KHDRBS3: variants seen among roughly 807,000 people sequenced by gnomAD.
KHDRBS3 encodes KH RNA binding domain containing, signal transduction associated 3.
Under a neutral mutation model 45.6 loss-of-function variants are expected in KHDRBS3, and 23 were observed. That is an observed-to-expected ratio of 0.50 (90% CI 0.36 to 0.72). The LOEUF is 0.72. KHDRBS3 is among the 30% of genes least tolerant of loss of function. KHDRBS3 has a pLI of 0.00. For synonymous variants in KHDRBS3, 162 were observed against 156.5 expected (o/e 1.04, Z -0.26); for missense variants, 352 against 424.8 (o/e 0.83, Z 1.51).
intron 7 of KHDRBS3, among the ~76,000 whole-genome samples, chr8:135,607,823 C>T (rs1422186431): frequency 2.0e-5 from 3 of 152,224 alleles, no homozygotes; most frequent in Admixed American, 2.0e-4. Flanking sequence ...TTGAACTCGT[C>T]CAGTGCCAGT....
intron 1 of KHDRBS3, among the ~76,000 whole-genome samples, chr8:135,482,067 T>C (rs1178035256): frequency 1.3e-5 from 2 of 152,218 alleles, no homozygotes; most frequent in Non-Finnish European, 2.9e-5. Context: ...GCACTCAGCA[T>C]AATGATCTAA....
chr8:135,600,132 G>A (rs1460245407), intron 6 of KHDRBS3, among the ~76,000 whole-genome samples: 1 of 152,198 alleles, frequency 6.6e-6, no homozygotes, highest in Non-Finnish European at 1.5e-5. Context: ...AACTGTGAGA[G>A]GCTTAGGAAT....
At chr8:135,637,602 G>A (rs1041707308) in intron 7 of KHDRBS3, among the ~76,000 whole-genome samples, 3 of 151,746 alleles carry the variant, frequency 2.0e-5, no homozygotes, top group Admixed American at 6.6e-5. Context: ...CTACCCCTTC[G>A]CCCACCCCCA....
intron 5 of KHDRBS3, among the ~76,000 whole-genome samples, chr8:135,578,321 G>A (rs985152070): frequency 1.3e-5 from 2 of 151,764 alleles, no homozygotes; most frequent in African/African-American, 4.8e-5. Context: ...ATATAATACA[G>A]ATTTTCTTCT....
At chr8:135,626,803 CAAAAAAAAAA>C (rs57231709) in intron 7 of KHDRBS3, among the ~76,000 whole-genome samples, 2 of 91,124 alleles carry the variant, frequency 2.2e-5, no homozygotes, top group Non-Finnish European at 4.0e-5. Context: ...GACTCCGTCT[CAAAAAAAAAA>C]AAAAAAAAAA....
chr8:135,654,580 C>T (rs980466375), intron 4 of KHDRBS3, among the ~76,000 whole-genome samples: 74 of 152,172 alleles, frequency 4.9e-4, no homozygotes, highest in African/African-American at 1.7e-3. Context: ...AGATGCAGGG[C>T]GTGCTGGGTC....
At chr8:135,469,523 G>GTTTTTTTTTTTT (rs1821889086) in intron 1 of KHDRBS3, among the ~76,000 whole-genome samples, 4 of 46,182 alleles carry the variant, frequency 8.7e-5, no homozygotes, top group African/African-American at 2.8e-4. Context: ...TTTTGTTTTG[G>GTTTTTTTTTTTT]TTTTTTTTTT....
At chr8:135,543,999 T>C (rs1181166449) in intron 3 of KHDRBS3, among the ~76,000 whole-genome samples, 1 of 152,224 alleles carries the variant, frequency 6.6e-6, no homozygotes, top group Non-Finnish European at 1.5e-5. Flanking sequence ...CATTGCTCTC[T>C]TAAATTATGA....
intron 1 of KHDRBS3, among the ~76,000 whole-genome samples, chr8:135,518,017 C>T (rs1824705713): frequency 6.6e-6 from 1 of 151,994 alleles, no homozygotes; most frequent in Non-Finnish European, 1.5e-5. Flanking sequence ...TACTTAATTC[C>T]TAATTTTTAA....
intron 7 of KHDRBS3, among the ~76,000 whole-genome samples, chr8:135,641,620 T>C (rs1831061920): frequency 6.6e-6 from 1 of 152,174 alleles, no homozygotes; most frequent in African/African-American, 2.4e-5. Context: ...CCATGGAAGA[T>C]GTTAGAGCTG....
intron 5 of KHDRBS3, among the ~76,000 whole-genome samples, chr8:135,569,079 T>G (rs562646418): frequency 1.3e-5 from 2 of 152,262 alleles, no homozygotes; most frequent in South Asian, 4.1e-4. Flanking sequence ...ACTAAACCAA[T>G]CACCATTAGG....
chr8:135,597,157 C>T (rs1829007584), intron 6 of KHDRBS3, among the ~76,000 whole-genome samples: 1 of 152,152 alleles, frequency 6.6e-6, no homozygotes, highest in Non-Finnish European at 1.5e-5. Flanking sequence ...GACTTGCTCT[C>T]TGATTCATAG....
intron 2 of KHDRBS3, among the ~76,000 whole-genome samples, chr8:135,524,652 C>T (rs1037821816): frequency 6.6e-6 from 1 of 150,938 alleles, no homozygotes; most frequent in Non-Finnish European, 1.5e-5. Context: ...TTCAGTTACA[C>T]ATATTTCAGC....
intron 6 of KHDRBS3, among the ~76,000 whole-genome samples, chr8:135,585,665 G>C (rs1828437024): frequency 6.6e-6 from 1 of 152,084 alleles, no homozygotes; most frequent in South Asian, 2.1e-4. Context: ...TATTCACATA[G>C]CAATTTTTAT....
At chr8:135,528,749 G>T (rs1301793866) in intron 2 of KHDRBS3, among the ~76,000 whole-genome samples, 1 of 152,206 alleles carries the variant, frequency 6.6e-6, no homozygotes, top group African/African-American at 2.4e-5. Context: ...CATTTGGTGT[G>T]TGGTGGGGGC....
chr8:135,624,355 C>A (rs907961755), intron 7 of KHDRBS3, among the ~76,000 whole-genome samples: 23 of 152,200 alleles, frequency 1.5e-4, no homozygotes, highest in Admixed American at 2.6e-4. Context: ...AATCCCCATT[C>A]AAATCCCAGA....
intron 6 of KHDRBS3, among the ~76,000 whole-genome samples, chr8:135,584,538 GAA>G (rs1382579961): frequency 6.6e-6 from 1 of 152,220 alleles, no homozygotes; most frequent in East Asian, 1.9e-4. Context: ...CTAGTCAAGA[GAA>G]AAGATTTTCC....
chr8:135,533,392 A>G (rs1193085646), intron 2 of KHDRBS3, among the ~76,000 whole-genome samples: 1 of 152,152 alleles, frequency 6.6e-6, no homozygotes. Context: ...CTATTTCTCT[A>G]CGTATGGTAG....
At chr8:135,526,038 C>T (rs1224932348) in intron 2 of KHDRBS3, among the ~76,000 whole-genome samples, 1 of 152,030 alleles carries the variant, frequency 6.6e-6, no homozygotes, top group Non-Finnish European at 1.5e-5. Flanking sequence ...GTGACAATTG[C>T]TTATAGTACT....
Sources: gnomAD v4.1 joint callset for allele counts (sites outside exome capture counted in the v4.1 genomes callset) on GRCh38, gnomAD v4.1.1 for gene constraint, MANE v1.5 for transcripts, NCBI Gene and HGNC (gene_info 2026-07-23, HGNC 2026-07-21) for gene names.